Variants in ABCG2 observed in about 807,000 individuals in gnomAD.
ABCG2 encodes the protein broad substrate specificity ATP-binding cassette transporter ABCG2.
In ABCG2, 80 loss-of-function variants were observed where a neutral mutation model predicts 73.5. The observed-to-expected ratio is 1.09, with a 90% CI of 0.91 to 1.31. The LOEUF (loss-of-function observed/expected upper bound fraction) is 1.31. ABCG2 is among the 50% of genes most tolerant of loss of function. ABCG2 has a pLI of 0.00. For synonymous variants in ABCG2, 269 were observed against 282.4 expected (o/e 0.95, Z 0.48); for missense variants, 796 against 786.2 (o/e 1.01, Z -0.15).
At chr4:88,227,360 T>C (rs1730262789) in intron 1 of ABCG2, among the ~76,000 whole-genome samples, 1 of 152,160 alleles carries the variant, frequency 6.6e-6, no homozygotes, top group Admixed American at 6.6e-5. Flanking sequence ...CGCGCCATTG[T>C]ACTCCAGCTG....
Position 88,101,250 on chromosome 4 carries a change from C to T in ABCG2, c.1347G>A (p.Val449=), listed in dbSNP as rs761214944. ...CTCACATGAAGAGCTTCTTCTCTAC[C>T]ACAAAGAGTTCCACGGCTGAAACAC... ...FSSVSAVELF[V]VEKKLFIHEY... Residue 449 remains valine, a synonymous_variant, in exon 11 of 16, where the codon GTG becomes GTA. Coordinates refer to ENST00000237612, the MANE Select transcript of ABCG2 (RefSeq NM_004827.3). The T allele has an allele frequency of 7.4e-6, 12 of 1,613,960 alleles. No individual in the cohort carries two copies. The African/African-American group carries it at 1.1e-4, about 14-fold the overall frequency.
At chr4:88,125,775 T>C (rs1724368690) in intron 5 of ABCG2, among the ~76,000 whole-genome samples, 1 of 151,998 alleles carries the variant, frequency 6.6e-6, no homozygotes, top group Non-Finnish European at 1.5e-5. Flanking sequence ...GGGACATAAC[T>C]AAAGCAGTGT....
chr4:88,107,915 C>T (rs962995177), intron 9 of ABCG2, among the ~76,000 whole-genome samples: 11 of 152,222 alleles, frequency 7.2e-5, no homozygotes, highest in Admixed American at 3.9e-4. Context: ...AGCATTTGGC[C>T]GGCTTTCTCT....
chr4:88,140,137 A>G, intron 1 of ABCG2, 123 bp from the exon 2 acceptor site: 1 of 783,396 alleles, frequency 1.3e-6, no homozygotes, highest in Non-Finnish European at 2.0e-6. Flanking sequence ...TTCATTTCCA[A>G]TGAATGGCCC....
At chr4:88,169,908 C>T (rs1039325545) in intron 1 of ABCG2, among the ~76,000 whole-genome samples, 42 of 151,902 alleles carry the variant, frequency 2.8e-4, no homozygotes, top group African/African-American at 1.0e-3. Flanking sequence ...GTCAGGAGTT[C>T]GAGACCAGCC....
chr4:88,169,704 G>T (rs1727679611), intron 1 of ABCG2, among the ~76,000 whole-genome samples: 1 of 152,196 alleles, frequency 6.6e-6, no homozygotes. Flanking sequence ...AAGAAAGTAA[G>T]TAAACGATGA....
intron 1 of ABCG2, among the ~76,000 whole-genome samples, chr4:88,154,365 T>C (rs1208744914): frequency 3.3e-5 from 5 of 152,254 alleles, no homozygotes; most frequent in African/African-American, 1.2e-4. Flanking sequence ...TCTTGCATAG[T>C]GGTGCAGGAT....
intron 1 of ABCG2, among the ~76,000 whole-genome samples, chr4:88,211,218 A>C (rs1220779639): frequency 6.6e-6 from 1 of 152,078 alleles, no homozygotes; most frequent in African/African-American, 2.4e-5. Context: ...TGTATTTTAA[A>C]AATTATTTTA....
At chr4:88,134,594 G>A (rs140871376) in intron 2 of ABCG2, among the ~76,000 whole-genome samples, 15 of 152,238 alleles carry the variant, frequency 9.9e-5, no homozygotes, top group African/African-American at 3.1e-4. Flanking sequence ...CCATAAGCTT[G>A]TTATTCACTA....
chr4:88,194,485 G>T (rs540776515), intron 1 of ABCG2, among the ~76,000 whole-genome samples: 1 of 148,862 alleles, frequency 6.7e-6, no homozygotes, highest in South Asian at 2.1e-4. Context: ...GGGAGGCGGA[G>T]CTTGCAGTGA....
At chr4:88,182,845 G>A (rs948869681) in intron 1 of ABCG2, among the ~76,000 whole-genome samples, 1 of 151,936 alleles carries the variant, frequency 6.6e-6, no homozygotes, top group African/African-American at 2.4e-5. Flanking sequence ...TAGCACTTTG[G>A]GAGGCCAAAG....
chr4:88,108,167 C>T (rs945618782), intron 9 of ABCG2, among the ~76,000 whole-genome samples: 4 of 151,882 alleles, frequency 2.6e-5, no homozygotes, highest in Non-Finnish European at 4.4e-5. Flanking sequence ...TTAAGGGTTA[C>T]GTTATGATAT....
chr4:88,120,099 C>A (rs765802843), intron 6 of ABCG2, among the ~76,000 whole-genome samples: 4 of 152,144 alleles, frequency 2.6e-5, no homozygotes, highest in Non-Finnish European at 5.9e-5. Context: ...AGACTTGGTA[C>A]CCTATGTTTC....
At chr4:88,212,870 A>G (rs1053607664) in intron 1 of ABCG2, among the ~76,000 whole-genome samples, 1 of 152,164 alleles carries the variant, frequency 6.6e-6, no homozygotes, top group Non-Finnish European at 1.5e-5. Flanking sequence ...AAAAACACAT[A>G]AGAATAATAA....
chr4:88,144,886 G>A (rs1478697663), intron 1 of ABCG2, among the ~76,000 whole-genome samples: 1 of 151,354 alleles, frequency 6.6e-6, no homozygotes, highest in African/African-American at 2.4e-5. Context: ...ACTCTTAATT[G>A]TATAGAACAC....
intron 1 of ABCG2, among the ~76,000 whole-genome samples, chr4:88,177,217 A>C (rs1578257996): frequency 2.2e-5 from 2 of 91,670 alleles, no homozygotes; most frequent in South Asian, 6.5e-4. Flanking sequence ...CTAAAAATAC[A>C]AAAAAAAATT....
chr4:88,167,310 C>T (rs1727564452), intron 1 of ABCG2, among the ~76,000 whole-genome samples: 5 of 152,010 alleles, frequency 3.3e-5, no homozygotes, highest in Admixed American at 2.0e-4. Context: ...CCATGTGGCC[C>T]CTCCACTTTC....
chr4:88,138,598 T>C (rs1725404690), intron 2 of ABCG2, among the ~76,000 whole-genome samples: 1 of 152,120 alleles, frequency 6.6e-6, no homozygotes, highest in African/African-American at 2.4e-5. Flanking sequence ...TTCCTCTACC[T>C]CCAGAAACTG....
chr4:88,200,866 A>T (rs1729132350), intron 1 of ABCG2, among the ~76,000 whole-genome samples: 1 of 152,210 alleles, frequency 6.6e-6, no homozygotes, highest in African/African-American at 2.4e-5. Flanking sequence ...TAATAATAGC[A>T]ACAATATACT....
Sources: allele counts gnomAD v4.1 joint callset (sites outside exome capture counted in the v4.1 genomes callset), GRCh38; gene constraint gnomAD v4.1.1; transcripts MANE v1.5; gene names NCBI Gene and HGNC (gene_info 2026-07-23, HGNC 2026-07-21).